The following STK3 variants were observed in gnomAD, a reference collection of about 807,000 sequenced individuals.
STK3 encodes the protein serine/threonine kinase 3, also known as serine/threonine-protein kinase 3.
STK3 carries 41 observed loss-of-function variants against 58.0 expected under a neutral mutation model. That is an observed-to-expected ratio of 0.71 (90% CI 0.55 to 0.92). The LOEUF is 0.92. Among genes scored for constraint, STK3 ranks in the 40% least tolerant of loss-of-function variants. STK3 has a pLI of 0.00. For synonymous variants in STK3, 170 were observed against 191.0 expected (o/e 0.89, Z 0.91); for missense variants, 479 against 602.7 (o/e 0.79, Z 2.15).
chr8:98,453,707 C>T (rs924017488), downstream of STK3, among the ~76,000 whole-genome samples: 34 of 152,150 alleles, frequency 2.2e-4, no homozygotes, highest in African/African-American at 7.0e-4. Flanking sequence ...TAACAGGCCT[C>T]GCTGAGTTAA....
intron 1 of STK3, among the ~76,000 whole-genome samples, chr8:98,440,132 T>G (rs1471368770): frequency 2.0e-5 from 3 of 152,082 alleles, no homozygotes; most frequent in Non-Finnish European, 4.4e-5. Flanking sequence ...ATAAAGGAGT[T>G]GAGGGTAGGC....
downstream of STK3, among the ~76,000 whole-genome samples, chr8:98,400,146 G>GCAGAGT (rs1817928938): frequency 6.6e-6 from 1 of 152,182 alleles, no homozygotes; most frequent in Admixed American, 6.5e-5. Context: ...ATGCAAGAAT[G>GCAGAGT]CAGAGTCAGA....
chr8:98,646,331 C>T (rs995574119), intron 6 of STK3, among the ~76,000 whole-genome samples: 1 of 152,182 alleles, frequency 6.6e-6, no homozygotes, highest in South Asian at 2.1e-4. Context: ...CCAGAAAACA[C>T]CCAGTTTTCC....
chr8:98,520,905 T>C (rs1463613420), intron 10 of STK3, among the ~76,000 whole-genome samples: 1 of 152,146 alleles, frequency 6.6e-6, no homozygotes, highest in Non-Finnish European at 1.5e-5. Context: ...TCACTTACGC[T>C]GTGCTCCACC....
chr8:98,783,199 C>T (rs930630750), intron 1 of STK3, among the ~76,000 whole-genome samples: 6 of 152,194 alleles, frequency 3.9e-5, no homozygotes, highest in Admixed American at 3.3e-4. Flanking sequence ...GCAAATAACA[C>T]AAAAATGTTT....
chr8:98,368,440 A>G (rs1223373437), downstream of STK3, among the ~76,000 whole-genome samples: 1 of 152,214 alleles, frequency 6.6e-6, no homozygotes, highest in Non-Finnish European at 1.5e-5. Context: ...AGAGATTTGA[A>G]GGAGAAGCAG....
At chr8:98,738,823 G>C (rs916237364) in intron 4 of STK3, among the ~76,000 whole-genome samples, 9 of 152,246 alleles carry the variant, frequency 5.9e-5, no homozygotes, top group African/African-American at 2.2e-4. Flanking sequence ...GGTTCAGGGA[G>C]TTCCCTTTCC....
In STK3 at chr8:98,685,728, T is replaced by A. The variant is rs377244818; in HGVS notation, c.684+20739A>T. On this transcript the variant is annotated intron_variant, in intron 6 of 10. Transcript: ENST00000419617. The stretch of plus-strand genomic sequence containing the variant: ...TGATGTGAAAGTACGGTTAATAGAA[T>A]CAAGGTATCACCTAAAATAGGCAAA... 2.9e-4 allele frequency among the ~76,000 whole-genome samples: 44 copies of A among 151,136 alleles called. No homozygotes were observed. The South Asian group carries it at 7.1e-3, about 25-fold the overall frequency.
At chr8:98,743,628 A>T (rs1310639558) in intron 4 of STK3, among the ~76,000 whole-genome samples, 1 of 152,234 alleles carries the variant, frequency 6.6e-6, no homozygotes, top group Non-Finnish European at 1.5e-5. Context: ...AAACCATAAC[A>T]ACCCTAGAAG....
At chr8:98,853,411 C>T (rs1029380494) in intron 3 of STK3, among the ~76,000 whole-genome samples, 1 of 152,138 alleles carries the variant, frequency 6.6e-6, no homozygotes, top group East Asian at 1.9e-4. Flanking sequence ...TACTGCTGGT[C>T]TCTGGTCTGT....
intron 6 of STK3, chr8:98,597,566 A>G (rs1194182606): frequency 1.1e-5 from 11 of 985,314 alleles, no homozygotes; most frequent in Non-Finnish European, 1.3e-5. Context: ...AAAGGGCCAC[A>G]GGCCAAATAG....
intron 4 of STK3, among the ~76,000 whole-genome samples, chr8:98,726,331 T>C (rs1827790865): frequency 6.6e-6 from 1 of 152,174 alleles, no homozygotes; most frequent in African/African-American, 2.4e-5. Context: ...TATTATAATG[T>C]GGAAAAATCA....
At chr8:98,471,952 T>A (rs1303529310) in intron 10 of STK3, among the ~76,000 whole-genome samples, 3 of 152,236 alleles carry the variant, frequency 2.0e-5, no homozygotes, top group African/African-American at 7.2e-5. Flanking sequence ...GTACTTACTT[T>A]ACAAGAAGTA....
intron 3 of STK3, among the ~76,000 whole-genome samples, chr8:98,757,207 G>C (rs899161070): frequency 2.6e-5 from 4 of 151,036 alleles, no homozygotes; most frequent in African/African-American, 7.3e-5. Context: ...TTGAGACAGA[G>C]TCTCGCTCTG....
intron 3 of STK3, among the ~76,000 whole-genome samples, chr8:98,874,228 G>C (rs929417481): frequency 6.6e-6 from 1 of 152,184 alleles, no homozygotes; most frequent in East Asian, 1.9e-4. Flanking sequence ...AGTCTGTTGG[G>C]CTTCCCTTTG....
At chr8:98,581,997 T>C (rs1813940404) in intron 7 of STK3, among the ~76,000 whole-genome samples, 1 of 152,172 alleles carries the variant, frequency 6.6e-6, no homozygotes, top group African/African-American at 2.4e-5. Context: ...TTTGTATAAA[T>C]CATTAATTTT....
chr8:98,711,968 G>A (rs74446071), intron 4 of STK3, among the ~76,000 whole-genome samples: 66 of 152,112 alleles, frequency 4.3e-4, no homozygotes, highest in African/African-American at 1.5e-3. Flanking sequence ...GAAGACAGGG[G>A]GGCCAATAGT....
chr8:98,464,987 T>C (rs1212688787), intron 10 of STK3, among the ~76,000 whole-genome samples: 1 of 152,190 alleles, frequency 6.6e-6, no homozygotes, highest in African/African-American at 2.4e-5. Context: ...GCTGTTTAAC[T>C]TCAGAGCACC....
chr8:98,713,980 G>C (rs199516155), intron 4 of STK3, among the ~76,000 whole-genome samples: 1 of 151,960 alleles, frequency 6.6e-6, no homozygotes, highest in African/African-American at 2.4e-5. Context: ...TTCAACATAC[G>C]CAAATGAATA....
Sources: gnomAD v4.1 joint callset for allele counts (sites outside exome capture counted in the v4.1 genomes callset) on GRCh38, gnomAD v4.1.1 for gene constraint, MANE v1.5 for transcripts, NCBI Gene and HGNC (gene_info 2026-07-23, HGNC 2026-07-21) for gene names.